SPG11: variants seen among roughly 807,000 people sequenced by gnomAD.
SPG11 encodes spatacsin.
In SPG11, 222 loss-of-function variants were observed where a neutral mutation model predicts 274.0. The ratio of observed to expected loss-of-function variants is 0.81; its 90% CI spans 0.73 to 0.91. The LOEUF (loss-of-function observed/expected upper bound fraction) is 0.91, where lower values mean the gene tolerates loss of function less well. Ranked by LOEUF, SPG11 falls within the 40% of genes least tolerant of loss-of-function variation. The probability of loss-of-function intolerance (pLI) is 0.00; values close to 1 mark genes in which losing one functional copy is unlikely to be tolerated. For synonymous variants in SPG11, 1,144 were observed against 1,039.7 expected (o/e 1.10, Z -1.93); for missense variants, 3,114 against 2,872.7 (o/e 1.08, Z -1.92).
rs1329846812 is a variant in SPG11, at chr15:44,569,417, A to G, written c.6566T>C (p.Met2189Thr). 1.2e-6 allele frequency: 2 copies of G among 1,604,520 alleles called. No individual in the cohort carries two copies. The highest frequency in any genetic ancestry group is 1.1e-5 in the South Asian group (1 of 89,280). ...ACCTACCGGATCCAACTTCTTCCTC[A>G]TTAGCACTTCAAAGTAGTGCTTTTT... ...LHKKHYFEVL[M>T]RKKLDPSGTL... The change falls in exon 35 of 40, where the codon ATG becomes ACG. Residue 2189 changes from methionine to threonine, a missense_variant. Met to Thr is a moderately conservative substitution (Grantham distance 81). Transcript: ENST00000261866.
rs773332316 is a variant in SPG11 at position 44,606,029 on chromosome 15, T to C, written c.3516A>G (p.Ile1172Met). The change falls in exon 20 of 40, where the codon ATA becomes ATG. Residue 1172 changes from isoleucine (I) to methionine (M), a missense_variant. Ile to Met is a conservative substitution (Grantham distance 10). Coordinates refer to ENST00000261866, the MANE Select transcript of SPG11 (RefSeq NM_025137.4). Reference protein sequence around the residue: ...FGWQSANTLAIGDAWSHLPHF... With the variant: ...FGWQSANTLAMGDAWSHLPHF... ...GAAGTACCCATGATGACTTACCTCC[T>C]ATAGCTAGTGTGTTAGCAGACTGCC... 4.3e-6 allele frequency: 7 copies of C among 1,613,576 alleles called. No individual in the cohort carries two copies. Among genetic ancestry groups the C allele is most frequent in the Non-Finnish European group, 5.9e-6 (7 of 1,179,632 alleles).
chr15:44,625,120 G>C (rs1410836612), intron 11 of SPG11, among the ~76,000 whole-genome samples: 2 of 146,262 alleles, frequency 1.4e-5, no homozygotes, highest in African/African-American at 5.1e-5. Context: ...GGCAACAAGA[G>C]TGAAACTCTG....
intron 27 of SPG11, among the ~76,000 whole-genome samples, chr15:44,589,828 C>T (rs1318531534): frequency 4.6e-5 from 7 of 152,172 alleles, no homozygotes; most frequent in South Asian, 2.1e-4. Context: ...TTTTTTGAGA[C>T]GCAGTCTCAC....
At chr15:44,570,475 C>T in intron 34 of SPG11, 50 bp downstream of exon 34, 11 of 1,612,848 alleles carry the variant, frequency 6.8e-6, no homozygotes, top group Non-Finnish European at 9.3e-6. Flanking sequence ...CTTTCTACTA[C>T]TCTCAAAGGT....
At chr15:44,615,616 G>T in intron 15 of SPG11, 50 bp from the exon 16 acceptor site, 1 of 1,539,216 alleles carries the variant, frequency 6.5e-7, no homozygotes, top group Non-Finnish European at 9.0e-7. Context: ...TATGTTCAGA[G>T]TAGACCAAAT....
chr15:44,626,475 T>G lies in SPG11; in HGVS notation c.2100A>C (p.Lys700Asn). Residue 700 changes from lysine (K) to asparagine (N), a missense_variant, in exon 11 of 40, where the codon AAA (lysine) becomes AAC (asparagine). Physicochemically the swap from Lys to Asn is moderately conservative, Grantham distance 94. Transcript: ENST00000261866. ...TGAAGAAAGTCTGTGCCTCTGGTATTTTGTTGTTTAAAATGGCGCTGGCAA... is the reference window on the plus strand; with the variant it reads ...TGAAGAAAGTCTGTGCCTCTGGTATGTTGTTGTTTAAAATGGCGCTGGCAA... ...EVIASAILNN[K>N]IPEAQTFFRI... 6.2e-7 allele frequency: 1 copy of G among 1,613,974 alleles called. No homozygotes were observed. The highest frequency in any genetic ancestry group is 1.1e-5 in the South Asian group (1 of 91,044).
At chr15:44,637,851 C>G (rs530510949) in intron 7 of SPG11, among the ~76,000 whole-genome samples, 14 of 152,134 alleles carry the variant, frequency 9.2e-5, no homozygotes, top group Non-Finnish European at 1.6e-4. Flanking sequence ...GTAAGTCCTT[C>G]ACGGTATTCC....
chr15:44,652,363 A>G, intron 4 of SPG11, 97 bp from the exon 5 acceptor site: 1 of 1,311,082 alleles, frequency 7.6e-7, no homozygotes, highest in South Asian at 1.2e-5. Flanking sequence ...ATTACAGAGA[A>G]GGAATAGTAC....
intron 3 of SPG11, 64 bp downstream of exon 3, chr15:44,659,015 G>C (rs2085022844): frequency 1.3e-6 from 2 of 1,504,954 alleles, no homozygotes; most frequent in African/African-American, 2.8e-5. Flanking sequence ...AGCCTAAAAA[G>C]GCTCATCTTT....
At position 44,655,632 on chromosome 15, in the gene SPG11, A is replaced by G. The variant is rs575995806; in HGVS notation, c.869+1463T>C. Among the ~76,000 whole-genome samples, 202 of 152,332 alleles carry G rather than the reference A, an allele frequency of 1.3e-3. 3 individuals are homozygous for G. In the South Asian group the frequency reaches 0.041, roughly 31 times the overall value. ...ATTGTAAGAATATAGTGTAATACAT[A>G]TAACATAGAAAATATGTGTTAACCA... On this transcript the variant is annotated intron_variant, in intron 4 of 39. Transcript: ENST00000261866.
chr15:44,578,273 C>T (rs574670177), intron 30 of SPG11, among the ~76,000 whole-genome samples: 4 of 151,222 alleles, frequency 2.6e-5, no homozygotes, highest in Admixed American at 1.3e-4. Flanking sequence ...CCTCATGATC[C>T]GCCCACCTCG....
chr15:44,618,294 G>A (rs987084428), intron 15 of SPG11, among the ~76,000 whole-genome samples: 4 of 151,528 alleles, frequency 2.6e-5, no homozygotes, highest in Non-Finnish European at 4.4e-5. Flanking sequence ...GGATCACGAG[G>A]TCAGGAGATT....
In SPG11 at chr15:44,583,943, G is replaced by A; in HGVS notation, c.5737C>T (p.His1913Tyr). The change falls in exon 30 of 40, where the codon CAC (histidine) becomes TAC (tyrosine). Residue 1913 changes from histidine (H) to tyrosine (Y), a missense_variant. By Grantham distance (83) the His-to-Tyr change is moderately conservative. Transcript: ENST00000261866. ...FYNPDVALVL[H>Y]CRALASGEAS... ...TCCCCTGAGGCCAGTGCTCTGCAGTGCAATACCAAGGCGACATCTGGATTA... is the reference window on the plus strand; with the variant it reads ...TCCCCTGAGGCCAGTGCTCTGCAGTACAATACCAAGGCGACATCTGGATTA... 1 of 1,614,174 alleles carries A rather than the reference G, an allele frequency of 6.2e-7. No individual in the cohort carries two copies. The highest frequency in any genetic ancestry group is 8.5e-7 in the Non-Finnish European group (1 of 1,180,026).
chr15:44,573,800 A>G, intron 31 of SPG11, 55 bp from the exon 32 acceptor site: 1 of 1,563,054 alleles, frequency 6.4e-7, no homozygotes, highest in Admixed American at 1.7e-5. Flanking sequence ...GAAAAAGCAA[A>G]AGAGCCCTTT....
In SPG11 at chr15:44,651,984, G is replaced by A. The variant is rs763766796; in HGVS notation, c.1008-45C>T. 2.5e-6 allele frequency: 4 copies of A among 1,587,212 alleles called. No homozygotes were observed. The Admixed American group carries it at 7.1e-5, about 28-fold the overall frequency. The stretch of plus-strand genomic sequence containing the variant: ...TAACTTAACACCTGTCACAGTAAAA[G>A]GCACTATGTAAAACACTAAACCAGG... On this transcript the variant is annotated intron_variant, in intron 5 of 39. Coordinates refer to ENST00000261866, the MANE Select transcript of SPG11 (RefSeq NM_025137.4).
At chr15:44,636,411 C>T (rs1263310876) in intron 7 of SPG11, among the ~76,000 whole-genome samples, 1 of 151,018 alleles carries the variant, frequency 6.6e-6, no homozygotes, top group Non-Finnish European at 1.5e-5. Context: ...AAGTTTGCAA[C>T]TTTAAAATGG....
Position 44,584,168 on chromosome 15 carries a change from C to T in SPG11, c.5512G>A (p.Ala1838Thr), listed in dbSNP as rs761774708. The change falls in exon 30 of 40, where the codon GCC (alanine) becomes ACC (threonine). Residue 1838 changes from alanine (A) to threonine (T), a missense_variant. Physicochemically the swap from Ala to Thr is moderately conservative, Grantham distance 58. Coordinates refer to ENST00000261866, the MANE Select transcript of SPG11 (RefSeq NM_025137.4). ...TSGELSFDSL[A>T]SEFSFSKLAA... Reference sequence around the variant, plus strand: ...AACTTGGAGAAGGAAAACTCACTGGCTAAACTATCAAAGGAAAGTTCACCA... The same window carrying T: ...AACTTGGAGAAGGAAAACTCACTGGTTAAACTATCAAAGGAAAGTTCACCA... 2 of 1,614,198 alleles carry T rather than the reference C, an allele frequency of 1.2e-6. No homozygotes were observed. The highest frequency in any genetic ancestry group is 1.1e-5 in the South Asian group (1 of 91,086).
chr15:44,612,176 T>C (rs952512154), intron 17 of SPG11, among the ~76,000 whole-genome samples: 1 of 152,150 alleles, frequency 6.6e-6, no homozygotes, highest in African/African-American at 2.4e-5. Flanking sequence ...AAAAGCAGTA[T>C]ATAAAAACAT....
chr15:44,578,358 C>T (rs532161238), intron 30 of SPG11, among the ~76,000 whole-genome samples: 18 of 152,058 alleles, frequency 1.2e-4, no homozygotes, highest in East Asian at 3.9e-4. Context: ...TGAGCAGGGG[C>T]GCTCTGGTCT....
Sources: allele counts gnomAD v4.1 joint callset (sites outside exome capture counted in the v4.1 genomes callset), GRCh38; gene constraint gnomAD v4.1.1; transcripts MANE v1.5; gene names NCBI Gene and HGNC (gene_info 2026-07-23, HGNC 2026-07-21).